PXN: variants seen among roughly 807,000 people sequenced by gnomAD.
PXN encodes the protein testicular tissue protein Li 134.
Under a neutral mutation model 103.6 loss-of-function variants are expected in PXN, and 61 were observed. The ratio of observed to expected loss-of-function variants is 0.59; its 90% CI spans 0.48 to 0.73. PXN has a LOEUF of 0.73. Among genes scored for constraint, PXN ranks in the 30% least tolerant of loss-of-function variants. PXN has a pLI of 0.00. For missense variants in PXN, 1,274 were observed against 1,460.3 expected (o/e 0.87, Z 2.08); for synonymous variants, 562 against 607.8 (o/e 0.92, Z 1.11).
chr12:120,235,372 C>A (rs1888837567), intron 1 of PXN, among the ~76,000 whole-genome samples: 1 of 152,084 alleles, frequency 6.6e-6, no homozygotes, highest in Non-Finnish European at 1.5e-5. Context: ...GAGCATCTAC[C>A]AGGAGCCCAG....
In PXN at chr12:120,212,845, G is replaced by A. The variant is rs183802450; in HGVS notation, c.2980-265C>T. ...ATCCTCCCACCTCGGCCTCCCACAG[G>A]GCTGGGATTATTTAGTTCTCCCAAC... On this transcript the variant is annotated intron_variant, in intron 14 of 14. Coordinates refer to ENST00000637617, the MANE Select transcript of PXN (RefSeq NM_001385981.1). The surrounding 1 kb of genome is among the most constrained non-coding windows in gnomAD (Gnocchi z 7.2). 2.7e-6 allele frequency: 1 copy of A among 372,948 alleles called. No homozygotes were observed. The highest frequency in any genetic ancestry group is 4.7e-5 in the East Asian group (1 of 21,184). 23.1% of individuals were successfully genotyped at this position (372,948 alleles called of 1,614,324 possible). A position where few individuals can be genotyped will look rare whatever the true frequency, so the allele number is the denominator to read the frequency against.
rs1016149739 is a variant in PXN at position 120,220,357 on chromosome 12, A to C, written c.832-266T>G. On this transcript the variant is annotated intron_variant, in intron 6 of 14. Coordinates refer to ENST00000637617, the MANE Select transcript of PXN (RefSeq NM_001385981.1). This position sits in a 1 kb window ranked among gnomAD's most constrained non-coding sequence, Gnocchi z 6.1. ...ACCCAGGGAGGGTATGAGAAAGAAA[A>C]GACCACGGTAAGGTGGACAAATGGG... 3.9e-5 allele frequency among the ~76,000 whole-genome samples: 6 copies of C among 152,118 alleles called. No individual in the cohort carries two copies. Among genetic ancestry groups the C allele is most frequent in the Non-Finnish European group, 8.8e-5 (6 of 68,024 alleles).
Position 120,265,583 on chromosome 12 carries a change from C to T in PXN, c.13+34G>A, listed in dbSNP as rs1486788292. 1.3e-6 allele frequency: 2 copies of T among 1,483,186 alleles called. No homozygotes were observed. The highest frequency in any genetic ancestry group is 3.0e-5 in the East Asian group (1 of 33,560). 91.9% of individuals were successfully genotyped at this position (1,483,186 alleles called of 1,614,324 possible). A position where few individuals can be genotyped will look rare whatever the true frequency, so the allele number is the denominator to read the frequency against. On this transcript the variant is annotated intron_variant, in intron 1 of 14. Transcript: ENST00000637617. The surrounding 1 kb of genome is among the most constrained non-coding windows in gnomAD (Gnocchi z 5.7). ...TCCTGGCCCCAAGCTGCGCGCCTCT[C>T]GCCTCCTCCTCCCTCGGCCTCCCGC...
chr12:120,265,639 A>C lies in PXN; in HGVS notation c.-10T>G. On this transcript the variant is annotated 5_prime_UTR_variant, in exon 1 of 15. Coordinates refer to ENST00000637617, the MANE Select transcript of PXN (RefSeq NM_001385981.1). This position sits in a 1 kb window ranked among gnomAD's most constrained non-coding sequence, Gnocchi z 5.7. ...CACCGAGGTCGTCCATGGCCGGACC[A>C]CGGGCGCCGGCTCAGGGTCGCGCTA... The C allele has an allele frequency of 6.8e-7, 1 of 1,475,570 alleles. No homozygotes were observed. Among genetic ancestry groups the C allele is most frequent in the Non-Finnish European group, 8.9e-7 (1 of 1,118,586 alleles). The allele number at this position is 1,475,570 out of a possible 1,614,324, so 91.4% of individuals were successfully genotyped here. A position where few individuals can be genotyped will look rare whatever the true frequency, so the allele number is the denominator to read the frequency against.
chr12:120,234,001 G>A (rs978429258), intron 1 of PXN, among the ~76,000 whole-genome samples: 5 of 152,150 alleles, frequency 3.3e-5, no homozygotes, highest in African/African-American at 1.2e-4. Flanking sequence ...ACACTCTGAG[G>A]ATCAAATGTA....
intron 1 of PXN, among the ~76,000 whole-genome samples, chr12:120,255,091 T>C (rs997695163): frequency 9.9e-5 from 15 of 151,968 alleles, no homozygotes; most frequent in Non-Finnish European, 1.6e-4. Flanking sequence ...ATCTGGACAA[T>C]AGAATTCACG....
At chr12:120,223,570 C>A (rs186030387) in intron 3 of PXN, 148 bp downstream of exon 3, 13 of 595,718 alleles carry the variant, frequency 2.2e-5, no homozygotes, top group South Asian at 1.9e-4. Flanking sequence ...ACGGGCCCAC[C>A]GACAGGCCTT....
chr12:120,211,922 A>G lies in PXN; in HGVS notation c.*392T>C, dbSNP rs760695734. On this transcript the variant is annotated 3_prime_UTR_variant, in exon 15 of 15. Transcript: ENST00000637617. The stretch of plus-strand genomic sequence containing the variant: ...TCGGGGGAGGAATAAGGATAAAAAG[A>G]GACCCCAACAGACCCTGCCTGCCCT... 1.9e-6 allele frequency: 1 copy of G among 533,146 alleles called. No individual in the cohort carries two copies. The highest frequency in any genetic ancestry group is 1.9e-5 in the Admixed American group (1 of 51,974). 33.0% of individuals were successfully genotyped at this position (533,146 alleles called of 1,614,324 possible). A position where few individuals can be genotyped will look rare whatever the true frequency, so the allele number is the denominator to read the frequency against.
chr12:120,233,713 C>G (rs1319147643), intron 1 of PXN, among the ~76,000 whole-genome samples: 2 of 152,122 alleles, frequency 1.3e-5, no homozygotes. Flanking sequence ...GGTCAGAAAC[C>G]CTGGGGATGG....
At chr12:120,239,179 G>C (rs1047918360) in intron 1 of PXN, among the ~76,000 whole-genome samples, 39 of 152,182 alleles carry the variant, frequency 2.6e-4, no homozygotes, top group African/African-American at 8.9e-4. Flanking sequence ...GGGTGTGGTG[G>C]ATCACGCCTG....
At position 120,228,544 on chromosome 12, in the gene PXN, T is replaced by C. The variant is rs1887373679; in HGVS notation, c.14-4167A>G. ...AGGGCACCATTGGCCCGTCAGCTTC[T>C]TGCCACTGGGTAACCTCGTGCAATC... is the stretch of plus-strand genomic sequence containing the variant. On this transcript the variant is annotated intron_variant, in intron 1 of 14. Transcript: ENST00000637617. This position sits in a 1 kb window ranked among gnomAD's most constrained non-coding sequence, Gnocchi z 4.7. 6.6e-6 allele frequency among the ~76,000 whole-genome samples: 1 copy of C among 152,228 alleles called. No individual in the cohort carries two copies. Among genetic ancestry groups the C allele is most frequent in the Non-Finnish European group, 1.5e-5 (1 of 68,036 alleles).
intron 1 of PXN, among the ~76,000 whole-genome samples, chr12:120,252,545 T>C (rs1329129710): frequency 6.6e-6 from 1 of 152,118 alleles, no homozygotes; most frequent in Non-Finnish European, 1.5e-5. Flanking sequence ...GTGGTTGGCA[T>C]GGTCAGAAGT....
At chr12:120,239,695 G>A (rs1889810602) in intron 1 of PXN, among the ~76,000 whole-genome samples, 1 of 152,150 alleles carries the variant, frequency 6.6e-6, no homozygotes, top group Non-Finnish European at 1.5e-5. Flanking sequence ...AGGTTGCAGT[G>A]ACCTGAGATC....
rs1044960407 is a variant in PXN, at chr12:120,214,709, GTGAGCCTCGGGCATGTGACCTCTC to G, written c.2748+92_2748+115del. 37 of 1,365,318 alleles carry G rather than the reference GTGAGCCTCGGGCATGTGACCTCTC, an allele frequency of 2.7e-5. No individual in the cohort carries two copies. The East Asian group carries it at 4.2e-4, about 15-fold the overall frequency. 84.6% of individuals were successfully genotyped at this position (1,365,318 alleles called of 1,614,324 possible). On this transcript the variant is annotated intron_variant, in intron 12 of 14. Transcript: ENST00000637617. The surrounding 1 kb of genome is among the most constrained non-coding windows in gnomAD (Gnocchi z 5.0). ...TCCGGCCCCACTGTTCCCTAGCCCTGTGAGCCTCGGGCATGTGACCTCTCTGAGCCTCCCACGGCACCCCCTGCA... is the reference window on the plus strand; with the variant it reads ...TCCGGCCCCACTGTTCCCTAGCCCTGTGAGCCTCCCACGGCACCCCCTGCA...
intron 1 of PXN, among the ~76,000 whole-genome samples, chr12:120,232,377 C>A (rs1888221184): frequency 6.6e-6 from 1 of 152,126 alleles, no homozygotes; most frequent in African/African-American, 2.4e-5. Flanking sequence ...AATCAGTGGG[C>A]CCTCCCTCCT....
chr12:120,259,711 A>C (rs1488709094), intron 1 of PXN, among the ~76,000 whole-genome samples: 1 of 152,178 alleles, frequency 6.6e-6, no homozygotes, highest in African/African-American at 2.4e-5. Flanking sequence ...TGTACACTCA[A>C]GGCCAGATAT....
intron 1 of PXN, among the ~76,000 whole-genome samples, chr12:120,256,537 C>T (rs1047383434): frequency 6.6e-6 from 1 of 151,302 alleles, no homozygotes; most frequent in Admixed American, 6.6e-5. Context: ...AGATGATGAC[C>T]ATGAGGTATA....
intron 1 of PXN, among the ~76,000 whole-genome samples, chr12:120,246,728 G>A (rs563878495): frequency 6.6e-6 from 1 of 151,138 alleles, no homozygotes; most frequent in African/African-American, 2.4e-5. Context: ...GGTGGTGCGT[G>A]CCTGTAGTCT....
At chr12:120,223,366 G>A (rs979699128) in intron 3 of PXN, among the ~76,000 whole-genome samples, 3 of 151,892 alleles carry the variant, frequency 2.0e-5, no homozygotes, top group African/African-American at 7.3e-5. Flanking sequence ...CCCAGGAGGC[G>A]GAGCTTGCAG....
Sources: gnomAD v4.1 joint callset for allele counts (sites outside exome capture counted in the v4.1 genomes callset) on GRCh38, gnomAD v4.1.1 for gene constraint, Gnocchi (gnomAD v3.1) non-coding constraint, MANE v1.5 for transcripts, NCBI Gene and HGNC (gene_info 2026-07-23, HGNC 2026-07-21) for gene names.